Variants in KNL1 observed in about 807,000 individuals in gnomAD.
KNL1 encodes outer kinetochore KNL1 complex subunit KNL1.
A neutral mutation model predicts 201.3 loss-of-function variants in KNL1; 66 were observed. That is an observed-to-expected ratio of 0.33 (90% CI 0.27 to 0.40). KNL1 has a LOEUF of 0.40. KNL1 is among the 10% of genes least tolerant of loss of function. The pLI, the probability that KNL1 is intolerant of heterozygous loss-of-function variation, is 1.00. For missense variants in KNL1, 2,815 were observed against 2,690.5 expected, an observed-to-expected ratio of 1.05 and a Z score of -1.02; for synonymous variants, 895 against 899.2, an observed-to-expected ratio of 1.00 and a Z score of 0.08.
In KNL1 at chr15:40,623,104, A is replaced by G. The variant is rs763114066; in HGVS notation, c.2840A>G (p.Asp947Gly). ...ATGGACAAAACTGTAGTGTTTGTAG[A>G]TAATCATGTTGAACTAGAAATGACA... is the stretch of plus-strand genomic sequence containing the variant. Reference protein sequence around the residue: ...RPMDKTVVFVDNHVELEMTES... With the variant: ...RPMDKTVVFVGNHVELEMTES... The change falls in exon 10 of 26, where the codon GAT becomes GGT. Residue 947 changes from aspartate to glycine, a missense_variant. Coordinates refer to ENST00000399668, the MANE Select transcript of KNL1 (RefSeq NM_144508.5). 17 of 1,613,788 alleles carry G rather than the reference A, an allele frequency of 1.1e-5. No individual in the cohort carries two copies. Among genetic ancestry groups the G allele is most frequent in the Non-Finnish European group, 1.4e-5 (16 of 1,179,886 alleles).
intron 21 of KNL1, among the ~76,000 whole-genome samples, chr15:40,654,035 G>A (rs1047789734): frequency 1.3e-5 from 2 of 152,140 alleles, no homozygotes; most frequent in African/African-American, 4.8e-5. Flanking sequence ...GTGCAGTTGT[G>A]TGTCTCCCTG....
chr15:40,644,780 A>G (rs574551312), intron 14 of KNL1, among the ~76,000 whole-genome samples: 65 of 152,322 alleles, frequency 4.3e-4, no homozygotes, highest in Non-Finnish European at 7.2e-4. Context: ...GATTTCATAC[A>G]ACACATGTTT....
intron 9 of KNL1, 106 bp from the exon 10 acceptor site, chr15:40,620,534 G>A (rs1892483500): frequency 3.2e-6 from 2 of 623,932 alleles, no homozygotes; most frequent in Middle Eastern, 4.4e-4. Context: ...GCAAACCAAC[G>A]TGTTATGAAA....
chr15:40,632,982 C>T (rs1304708297), intron 13 of KNL1, among the ~76,000 whole-genome samples: 3 of 152,124 alleles, frequency 2.0e-5, no homozygotes, highest in South Asian at 2.1e-4. Flanking sequence ...TCATGTACTG[C>T]GTAAGGACGT....
At chr15:40,612,024 A>G (rs1294841103) in intron 7 of KNL1, among the ~76,000 whole-genome samples, 2 of 152,286 alleles carry the variant, frequency 1.3e-5, no homozygotes, top group East Asian at 3.9e-4. Flanking sequence ...TACTAAAAAA[A>G]TACAAAAAAT....
chr15:40,596,186 C>A (rs1463791972), intron 1 of KNL1, among the ~76,000 whole-genome samples: 2 of 151,870 alleles, frequency 1.3e-5, no homozygotes, highest in Non-Finnish European at 2.9e-5. Flanking sequence ...GTGGTTGGGT[C>A]CAAACATTAA....
At chr15:40,639,600 G>A (rs140332404) in intron 13 of KNL1, among the ~76,000 whole-genome samples, 8 of 147,200 alleles carry the variant, frequency 5.4e-5, no homozygotes, top group Non-Finnish European at 7.5e-5. Flanking sequence ...AAAAAAAAAG[G>A]AAAAAAAAAA....
At chr15:40,651,957 T>C in intron 20 of KNL1, 48 bp from the exon 21 acceptor site, 1 of 1,337,622 alleles carries the variant, frequency 7.5e-7, no homozygotes, top group Non-Finnish European at 1.1e-6. Flanking sequence ...TTCTCTTTTA[T>C]GTTAATTTTA....
rs371992427 is a variant in KNL1 at position 40,624,185 on chromosome 15, T to C, written c.3921T>C (p.Asn1307=). 7.4e-6 allele frequency: 12 copies of C among 1,613,856 alleles called. No individual in the cohort carries two copies. The highest frequency in any genetic ancestry group is 1.1e-5 in the South Asian group (1 of 91,088). The change falls in exon 10 of 26, where the codon AAT becomes AAC. Residue 1307 remains asparagine (N), a synonymous_variant. Transcript: ENST00000399668. ...GTGATAATTATTCCTGTTTACCAAA[T>C]GTTATTTCCTGTACTGATAATTTGG... The part of the protein sequence containing the change: ...GSSDNYSCLP[N]VISCTDNLEG...
At chr15:40,618,589 A>C (rs1298143006) in intron 8 of KNL1, among the ~76,000 whole-genome samples, 1 of 152,132 alleles carries the variant, frequency 6.6e-6, no homozygotes. Flanking sequence ...TTATAAAAAT[A>C]TTTCAGCCAC....
intron 8 of KNL1, 186 bp downstream of exon 8, chr15:40,615,564 C>T (rs1005309990): frequency 5.2e-5 from 12 of 228,880 alleles, no homozygotes; most frequent in East Asian, 1.7e-4. Context: ...GTCGGGAGAT[C>T]GAGACCATCC....
chr15:40,640,977 G>C lies in KNL1; in HGVS notation c.5748G>C (p.Lys1916Asn). 1 of 1,613,402 alleles carries C rather than the reference G, an allele frequency of 6.2e-7. No homozygotes were observed. The highest frequency in any genetic ancestry group is 1.3e-5 in the African/African-American group (1 of 75,000). ...TAAGTCAATATGTTTACCGACCCAAGATACAGATTTATAGAGAAGATTGTG... is the reference window on the plus strand; with the variant it reads ...TAAGTCAATATGTTTACCGACCCAACATACAGATTTATAGAGAAGATTGTG... ...LMLSQYVYRP[K>N]IQIYREDCEA... Residue 1916 changes from lysine to asparagine, a missense_variant, in exon 14 of 26, where the codon AAG becomes AAC. Physicochemically the swap from Lys to Asn is moderately conservative, Grantham distance 94. Coordinates refer to ENST00000399668, the MANE Select transcript of KNL1 (RefSeq NM_144508.5).
chr15:40,632,611 C>T (rs147793032), intron 13 of KNL1, among the ~76,000 whole-genome samples: 6 of 151,786 alleles, frequency 4.0e-5, no homozygotes, highest in Non-Finnish European at 7.4e-5. Flanking sequence ...CAAAAAAAAA[C>T]GAAGAAAGTG....
In KNL1 at chr15:40,622,284, T is replaced by C; in HGVS notation, c.2020T>C (p.Tyr674His). The C allele has an allele frequency of 6.2e-7, 1 of 1,614,028 alleles. No individual in the cohort carries two copies. Among genetic ancestry groups the C allele is most frequent in the Non-Finnish European group, 8.5e-7 (1 of 1,179,918 alleles). ...GATAGCAACAAGCCATAATATAGTCTACTGTGGTGGAGTTCTTGATAAACA... is the reference window on the plus strand; with the variant it reads ...GATAGCAACAAGCCATAATATAGTCCACTGTGGTGGAGTTCTTGATAAACA... ...QEIATSHNIV[Y>H]CGGVLDKQIT... Residue 674 changes from tyrosine (Y) to histidine (H), a missense_variant, in exon 10 of 26, where the codon TAC becomes CAC. Around this residue, in one of 3 missense-constraint regions of KNL1, gnomAD observed 2,464 missense variants for 2,291.7 expected, o/e 1.08. Coordinates refer to ENST00000399668, the MANE Select transcript of KNL1 (RefSeq NM_144508.5).
chr15:40,654,191 C>T (rs1893652782), intron 21 of KNL1, among the ~76,000 whole-genome samples: 1 of 152,068 alleles, frequency 6.6e-6, no homozygotes, highest in African/African-American at 2.4e-5. Context: ...TCTGGGGGAG[C>T]GAGCAGCTAT....
chr15:40,657,387 T>C lies in KNL1; in HGVS notation c.6627T>C (p.His2209=), dbSNP rs138174542. 88 of 1,608,514 alleles carry C rather than the reference T, an allele frequency of 5.5e-5. No homozygotes were observed. Among genetic ancestry groups the C allele is most frequent in the Non-Finnish European group, 7.1e-5 (83 of 1,174,840 alleles). The change falls in exon 24 of 26, where the codon CAT becomes CAC. Residue 2209 remains histidine (H), a synonymous_variant. Coordinates refer to ENST00000399668, the MANE Select transcript of KNL1 (RefSeq NM_144508.5). ...AAGAATTCTCACTGGTAGTGCACCATTGCAGACTCCTTGGAGAGGAGATTG... is the reference window on the plus strand; with the variant it reads ...AAGAATTCTCACTGGTAGTGCACCACTGCAGACTCCTTGGAGAGGAGATTG... The part of the protein sequence containing the change: ...MLEEFSLVVH[H]CRLLGEEIEY...
At chr15:40,646,556 T>G (rs1425568501) in intron 16 of KNL1, among the ~76,000 whole-genome samples, 1 of 152,090 alleles carries the variant, frequency 6.6e-6, no homozygotes, top group Non-Finnish European at 1.5e-5. Flanking sequence ...GACCTTCATT[T>G]TAAGATTTGC....
intron 1 of KNL1, among the ~76,000 whole-genome samples, chr15:40,597,315 T>C (rs1224514391): frequency 6.6e-6 from 1 of 152,130 alleles, no homozygotes; most frequent in Non-Finnish European, 1.5e-5. Flanking sequence ...AATGCAGTGG[T>C]GCCATCTCAG....
At chr15:40,641,402 A>G (rs1267236094) in intron 14 of KNL1, among the ~76,000 whole-genome samples, 1 of 152,234 alleles carries the variant, frequency 6.6e-6, no homozygotes, top group Non-Finnish European at 1.5e-5. Flanking sequence ...ATGATATCAT[A>G]AGTTGATTGC....
Sources: gnomAD v4.1 joint callset for allele counts (sites outside exome capture counted in the v4.1 genomes callset) on GRCh38, gnomAD v4.1.1 for gene constraint, gnomAD v4.1.1 regional missense constraint, MANE v1.5 for transcripts, NCBI Gene and HGNC (gene_info 2026-07-23, HGNC 2026-07-21) for gene names.